The following CFDP1 variants were observed in gnomAD, a reference collection of about 807,000 sequenced individuals.
The protein encoded by CFDP1 is chromatin remodeling protein CFDP1, also known as heterochromatin-stabilizing protein CFDP1.
CFDP1 carries 31 observed loss-of-function variants against 40.1 expected under a neutral mutation model. That is an observed-to-expected ratio of 0.77 (90% CI 0.58 to 1.04). CFDP1 has a LOEUF of 1.04. CFDP1 is among the 50% of genes least tolerant of loss of function. CFDP1 has a pLI of 0.00. For synonymous variants in CFDP1, 167 were observed against 120.0 expected (o/e 1.39, Z -2.56); for missense variants, 423 against 343.4 (o/e 1.23, Z -1.83).
At chr16:75,367,645 T>C (rs1476956921) in intron 5 of CFDP1, among the ~76,000 whole-genome samples, 1 of 151,302 alleles carries the variant, frequency 6.6e-6, no homozygotes, top group Non-Finnish European at 1.5e-5. Context: ...ATACAAAAAT[T>C]AGCCGGTCGT....
Position 75,427,833 on chromosome 16 carries a change from AAAC to A in CFDP1, c.64+5453_64+5455del, listed in dbSNP as rs200473476. Among the ~76,000 whole-genome samples the A allele has an allele frequency of 9.1e-4, 139 of 152,344 alleles. 2 individuals are homozygous for A. In the East Asian group the frequency reaches 0.017, roughly 19 times the overall value. On this transcript the variant is annotated intron_variant, in intron 1 of 6. Coordinates refer to ENST00000283882, the MANE Select transcript of CFDP1 (RefSeq NM_006324.3). ...TTTATTTGTAATCATAAAAAATTGG[AAAC>A]AACCCAGTGTCTTTCAAATGCAGAA...
intron 5 of CFDP1, among the ~76,000 whole-genome samples, chr16:75,317,003 TAAATAA>T (rs942340718): frequency 5.9e-5 from 9 of 151,536 alleles, no homozygotes; most frequent in African/African-American, 9.7e-5. Context: ...AATAAATAAA[TAAATAA>T]AAATAAAAAT....
intron 6 of CFDP1, among the ~76,000 whole-genome samples, chr16:75,301,411 G>C (rs1385630946): frequency 2.0e-5 from 3 of 152,048 alleles, no homozygotes; most frequent in Non-Finnish European, 4.4e-5. Context: ...TCGAGGAGGT[G>C]CCTGTATAAT....
At chr16:75,336,189 T>G (rs529972073) in intron 5 of CFDP1, among the ~76,000 whole-genome samples, 1 of 152,298 alleles carries the variant, frequency 6.6e-6, no homozygotes, top group South Asian at 2.1e-4. Flanking sequence ...AGACAGACAT[T>G]GTTCTAGGAG....
At position 75,313,189 on chromosome 16, in the gene CFDP1, A is replaced by G. The variant is rs573064518; in HGVS notation, c.651-8007T>C. On this transcript the variant is annotated intron_variant, in intron 5 of 6. Transcript: ENST00000283882. ...TTTCAGAGAAGCTCTACGTTTGATA[A>G]GTGTTAGGAAAGTGCAGATCCTCTT... 6.6e-5 allele frequency among the ~76,000 whole-genome samples: 10 copies of G among 152,314 alleles called. No homozygotes were observed. In the East Asian group the frequency reaches 1.9e-3, roughly 29 times the overall value.
chr16:75,391,467 A>G (rs2078950087), intron 5 of CFDP1: 1 of 152,256 alleles, frequency 6.6e-6, no homozygotes, highest in Non-Finnish European at 1.5e-5. Flanking sequence ...GTTGATTGTG[A>G]AATCAATTCA....
rs919771822 is a variant in CFDP1, at chr16:75,361,816, A to T, written c.650+33274T>A. On this transcript the variant is annotated intron_variant, in intron 5 of 6. Transcript: ENST00000283882. Reference sequence around the variant, plus strand: ...CTCTCCTTGTCTGGTTTCTTTTTGAATTTCTCAACGTCTGTTTCCTCTTTG... The same window carrying T: ...CTCTCCTTGTCTGGTTTCTTTTTGATTTTCTCAACGTCTGTTTCCTCTTTG... Among the ~76,000 whole-genome samples, 29 of 152,264 alleles carry T rather than the reference A, an allele frequency of 1.9e-4. 1 individual carries two copies. Among genetic ancestry groups the T allele is most frequent in the African/African-American group, 7.0e-4 (29 of 41,558 alleles).
intron 5 of CFDP1, among the ~76,000 whole-genome samples, chr16:75,376,856 C>T (rs146290055): frequency 5.3e-5 from 8 of 152,306 alleles, no homozygotes; most frequent in South Asian, 2.1e-4. Context: ...AATGACCTGA[C>T]GATCCAGAAG....
intron 5 of CFDP1, among the ~76,000 whole-genome samples, chr16:75,361,161 C>G (rs149938056): frequency 0.018 from 2,722 of 152,180 alleles, 72 homozygotes; most frequent in African/African-American, 0.061. Context: ...AGGCACGCAC[C>G]ACCACACTCG....
intron 5 of CFDP1, among the ~76,000 whole-genome samples, chr16:75,355,091 G>A (rs1257597306): frequency 2.0e-5 from 3 of 152,218 alleles, no homozygotes; most frequent in Non-Finnish European, 4.4e-5. Flanking sequence ...ACAATGTACA[G>A]ATCTTCATTT....
intron 4 of CFDP1, among the ~76,000 whole-genome samples, chr16:75,404,371 G>A (rs1377084776): frequency 1.3e-5 from 2 of 150,868 alleles, no homozygotes; most frequent in Admixed American, 6.6e-5. Context: ...ACAGGCACCC[G>A]CCACTGCACC....
chr16:75,379,073 T>C (rs767037328), intron 5 of CFDP1, among the ~76,000 whole-genome samples: 2 of 131,910 alleles, frequency 1.5e-5, no homozygotes, highest in Admixed American at 8.8e-5. Flanking sequence ...TCAAAAATTG[T>C]TGAATATAGC....
intron 5 of CFDP1, among the ~76,000 whole-genome samples, chr16:75,376,291 T>C (rs1428326267): frequency 6.6e-6 from 1 of 152,210 alleles, no homozygotes; most frequent in Non-Finnish European, 1.5e-5. Context: ...CCTAGGTATT[T>C]AGGTACCCAA....
chr16:75,297,166 C>G (rs11647088), intron 6 of CFDP1, among the ~76,000 whole-genome samples: 71,883 of 142,712 alleles, frequency 0.5, 18,780 homozygotes, highest in Admixed American at 0.64. Context: ...GTGTGTGTGT[C>G]TGTGTGTGTG....
intron 1 of CFDP1, among the ~76,000 whole-genome samples, chr16:75,431,677 C>T (rs12445726): frequency 0.52 from 78,331 of 151,624 alleles, 21,284 homozygotes; most frequent in Admixed American, 0.64. Flanking sequence ...CTAACTAAAA[C>T]TGGACACAGG....
At chr16:75,299,327 C>A (rs1438084265) in intron 6 of CFDP1, among the ~76,000 whole-genome samples, 1 of 152,020 alleles carries the variant, frequency 6.6e-6, no homozygotes, top group African/African-American at 2.4e-5. Context: ...GTGGCTCACG[C>A]CTGTAATCCC....
At chr16:75,423,833 G>A (rs1272377763) in intron 1 of CFDP1, among the ~76,000 whole-genome samples, 1 of 152,146 alleles carries the variant, frequency 6.6e-6, no homozygotes, top group Non-Finnish European at 1.5e-5. Flanking sequence ...CCAAAGTGCT[G>A]GGATTACAGG....
At chr16:75,318,204 G>A (rs2078337174) in intron 5 of CFDP1, among the ~76,000 whole-genome samples, 1 of 152,048 alleles carries the variant, frequency 6.6e-6, no homozygotes, top group South Asian at 2.1e-4. Context: ...GACTGTGACT[G>A]GTCTGTGCTG....
At chr16:75,340,709 T>C (rs1027941506) in intron 5 of CFDP1, among the ~76,000 whole-genome samples, 1 of 152,236 alleles carries the variant, frequency 6.6e-6, no homozygotes, top group Non-Finnish European at 1.5e-5. Context: ...GACGCTCTAC[T>C]TCTCTGTCAC....
Sources: allele counts gnomAD v4.1 joint callset (sites outside exome capture counted in the v4.1 genomes callset), GRCh38; gene constraint gnomAD v4.1.1; transcripts MANE v1.5; gene names NCBI Gene and HGNC (gene_info 2026-07-23, HGNC 2026-07-21).